Variants in ATP8A1 observed in about 807,000 individuals in gnomAD.
ATP8A1 encodes the protein ATPase phospholipid transporting 8A1.
In ATP8A1, 90 loss-of-function variants were observed where a neutral mutation model predicts 177.7. That is an observed-to-expected ratio of 0.51 (90% CI 0.43 to 0.60). The LOEUF (loss-of-function observed/expected upper bound fraction) is 0.60. Ranked by LOEUF, ATP8A1 falls within the 20% of genes least tolerant of loss-of-function variation. The pLI, the probability that ATP8A1 is intolerant of heterozygous loss-of-function variation, is 0.00. For missense variants in ATP8A1, 1,072 were observed against 1,392.8 expected, an observed-to-expected ratio of 0.77 and a Z score of 3.67; for synonymous variants, 493 against 485.9, an observed-to-expected ratio of 1.01 and a Z score of -0.19.
intron 4 of ATP8A1, among the ~76,000 whole-genome samples, chr4:42,617,714 C>T (rs1737055162): frequency 6.6e-6 from 1 of 152,184 alleles, no homozygotes. Context: ...AAACATTCCA[C>T]TTCAAAGAGG....
intron 1 of ATP8A1, among the ~76,000 whole-genome samples, chr4:42,654,247 C>T (rs1741400815): frequency 1.3e-5 from 2 of 152,270 alleles, no homozygotes; most frequent in East Asian, 1.9e-4. Context: ...GGTCCTGCGT[C>T]CCCCACAGCA....
intron 22 of ATP8A1, among the ~76,000 whole-genome samples, chr4:42,516,884 T>C (rs1725593980): frequency 6.6e-6 from 1 of 152,174 alleles, no homozygotes; most frequent in African/African-American, 2.4e-5. Context: ...TGGCTCCTGA[T>C]ATATTAAAGT....
chr4:42,499,604 T>C (rs1442273499), intron 24 of ATP8A1, among the ~76,000 whole-genome samples: 2 of 152,222 alleles, frequency 1.3e-5, no homozygotes, highest in East Asian at 3.8e-4. Context: ...AATCCTGAGC[T>C]ATCTCAATGA....
intron 20 of ATP8A1, among the ~76,000 whole-genome samples, chr4:42,542,611 G>A (rs544802441): frequency 1.3e-5 from 2 of 151,762 alleles, no homozygotes; most frequent in Non-Finnish European, 2.9e-5. Flanking sequence ...ACCCTGCAAC[G>A]GTGTGTAATG....
intron 1 of ATP8A1, among the ~76,000 whole-genome samples, chr4:42,656,575 A>C (rs1741647966): frequency 6.6e-6 from 1 of 152,166 alleles, no homozygotes; most frequent in Admixed American, 6.5e-5. Flanking sequence ...CCTAATGGTC[A>C]CACTGCGGTG....
chr4:42,655,351 T>C (rs1741511572), intron 1 of ATP8A1, among the ~76,000 whole-genome samples: 1 of 152,224 alleles, frequency 6.6e-6, no homozygotes, highest in East Asian at 1.9e-4. Context: ...TGCAGCCCTG[T>C]AATCCCCTCA....
intron 25 of ATP8A1, among the ~76,000 whole-genome samples, chr4:42,483,186 C>T (rs1721865698): frequency 6.6e-6 from 1 of 152,016 alleles, no homozygotes; most frequent in Non-Finnish European, 1.5e-5. Context: ...ATGGTCTGTG[C>T]CAATAGTTTA....
chr4:42,427,966 A>G (rs1161364985), intron 33 of ATP8A1, among the ~76,000 whole-genome samples: 2 of 152,240 alleles, frequency 1.3e-5, no homozygotes, highest in Non-Finnish European at 2.9e-5. Context: ...GTTGTTATAA[A>G]TAACAAAATA....
intron 20 of ATP8A1, among the ~76,000 whole-genome samples, chr4:42,532,686 G>A (rs1249066350): frequency 2.0e-5 from 3 of 152,182 alleles, no homozygotes; most frequent in African/African-American, 4.8e-5. Context: ...ATGGAGCAGC[G>A]TGGAGACTCA....
rs1560335150 is a variant in ATP8A1, at chr4:42,448,391, T to TTTTA, written c.2897-1748_2897-1747insTAAA. ...AACAAGTAGCCTCCCTCCCTCCTTC[T>TTTTA]CTTTCTTTTCTTTTTTTTTTTTTTG... On this transcript the variant is annotated intron_variant, in intron 30 of 36. Transcript: ENST00000381668. 2.1e-4 allele frequency among the ~76,000 whole-genome samples: 21 copies of TTTTA among 98,344 alleles called. No homozygotes were observed. In the East Asian group the frequency reaches 5.6e-3, roughly 26 times the overall value. 64.5% of individuals were successfully genotyped at this position (98,344 alleles called of 152,430 possible).
intron 19 of ATP8A1, among the ~76,000 whole-genome samples, chr4:42,548,340 A>G (rs1433081676): frequency 6.6e-6 from 1 of 152,154 alleles, no homozygotes; most frequent in Non-Finnish European, 1.5e-5. Context: ...CACCAGCCAT[A>G]AGACGCATGG....
intron 25 of ATP8A1, among the ~76,000 whole-genome samples, chr4:42,476,418 A>C (rs1721070670): frequency 6.6e-6 from 1 of 152,018 alleles, no homozygotes; most frequent in Admixed American, 6.6e-5. Flanking sequence ...CAGGAGTTTG[A>C]GACCAGCCTG....
chr4:42,635,780 CACATATATATAT>C (rs1177783182), intron 1 of ATP8A1, among the ~76,000 whole-genome samples: 2 of 43,470 alleles, frequency 4.6e-5, no homozygotes, highest in South Asian at 8.3e-4. Flanking sequence ...CACACACACA[CACATATATATAT>C]ATATATATAT....
chr4:42,473,123 GT>G (rs1560364377), intron 25 of ATP8A1, among the ~76,000 whole-genome samples: 1 of 152,202 alleles, frequency 6.6e-6, no homozygotes, highest in Non-Finnish European at 1.5e-5. Context: ...GGAAAAGAGT[GT>G]AGAGTTGGGA....
intron 33 of ATP8A1, among the ~76,000 whole-genome samples, chr4:42,431,817 A>C (rs7673837): frequency 0.41 from 62,334 of 151,544 alleles, 12,990 homozygotes; most frequent in African/African-American, 0.46. Context: ...GAGGTCATTT[A>C]GTTTCTCTTG....
chr4:42,504,435 A>C (rs190766193), intron 23 of ATP8A1, among the ~76,000 whole-genome samples: 38 of 152,314 alleles, frequency 2.5e-4, no homozygotes, highest in Non-Finnish European at 4.0e-4. Context: ...CATCCTTCGG[A>C]TGCTAAGGCC....
At chr4:42,561,644 T>C (rs1577592158) in intron 15 of ATP8A1, 1 of 152,256 alleles carries the variant, frequency 6.6e-6, no homozygotes, top group African/African-American at 2.4e-5. Flanking sequence ...GAGACTTTTG[T>C]AGGGGGCTCG....
intron 20 of ATP8A1, among the ~76,000 whole-genome samples, chr4:42,541,556 C>T (rs1728388700): frequency 1.3e-5 from 2 of 152,148 alleles, no homozygotes; most frequent in African/African-American, 4.8e-5. Context: ...TATGTTTACA[C>T]AAAAACATGC....
At chr4:42,646,702 G>A (rs868585847) in intron 1 of ATP8A1, among the ~76,000 whole-genome samples, 2 of 152,202 alleles carry the variant, frequency 1.3e-5, no homozygotes, top group Non-Finnish European at 2.9e-5. Flanking sequence ...CCTTCTTAGT[G>A]ACATTCTGAG....
Sources: gnomAD v4.1 joint callset for allele counts (sites outside exome capture counted in the v4.1 genomes callset) on GRCh38, gnomAD v4.1.1 for gene constraint, MANE v1.5 for transcripts, NCBI Gene and HGNC (gene_info 2026-07-23, HGNC 2026-07-21) for gene names.